The following GFOD1 variants were observed in gnomAD, a reference collection of about 807,000 sequenced individuals.
GFOD1 encodes glucose-fructose oxidoreductase domain-containing protein 1.
GFOD1 carries 9 observed loss-of-function variants against 25.4 expected under a neutral mutation model. The observed-to-expected ratio is 0.35, with a 90% CI of 0.21 to 0.62. GFOD1 has a LOEUF of 0.62. Among genes scored for constraint, GFOD1 ranks in the 20% least tolerant of loss-of-function variants. The pLI is 0.72. For synonymous variants in GFOD1, 253 were observed against 245.6 expected, an observed-to-expected ratio of 1.03 and a Z score of -0.28; for missense variants, 403 against 556.9, an observed-to-expected ratio of 0.72 and a Z score of 2.78.
chr6:13,360,422 G>A lies in GFOD1; in HGVS notation c.*4321C>T. 2.9e-6 allele frequency: 1 copy of A among 345,472 alleles called. No homozygotes were observed. Among genetic ancestry groups the A allele is most frequent in the Middle Eastern group, 1.1e-3 (1 of 944 alleles). The allele number at this position is 345,472 out of a possible 1,614,324, so 21.4% of individuals were successfully genotyped here. Reference sequence around the variant, plus strand: ...GTAGGGGTGCAAAGAAAGGTGCAGTGCACAGCTAAAATTGGAGTGACAAAC... The same window carrying A: ...GTAGGGGTGCAAAGAAAGGTGCAGTACACAGCTAAAATTGGAGTGACAAAC... On this transcript the variant is annotated 3_prime_UTR_variant, in exon 2 of 2. Transcript: ENST00000379287.
intron 1 of GFOD1, among the ~76,000 whole-genome samples, chr6:13,367,706 G>C (rs1463465133): frequency 6.6e-6 from 1 of 151,506 alleles, no homozygotes; most frequent in Non-Finnish European, 1.5e-5. Context: ...CCAAGAGTCA[G>C]GGAAGAAGAA....
chr6:13,486,795 C>G lies in GFOD1; in HGVS notation c.96G>C (p.Trp32Cys). The G allele has an allele frequency of 6.2e-7, 1 of 1,614,130 alleles. No individual in the cohort carries two copies. The highest frequency in any genetic ancestry group is 8.5e-7 in the Non-Finnish European group (1 of 1,180,014). Residue 32 changes from tryptophan to cysteine, a missense_variant, in exon 1 of 2, where the codon TGG (tryptophan) becomes TGC (cysteine). Trp to Cys is a radical substitution (Grantham distance 215). Coordinates refer to ENST00000379287, the MANE Select transcript of GFOD1 (RefSeq NM_018988.4). ...CCTCCGCTTCTTCCTGCGTGCGGCC[C>G]CACAGCGCCTTCACCGCGAAGCCCT... ...KDEGFAVKAL[W>C]GRTQEEAEEL...
chr6:13,372,242 G>A (rs984264612), intron 1 of GFOD1, among the ~76,000 whole-genome samples: 1 of 152,206 alleles, frequency 6.6e-6, no homozygotes, highest in Non-Finnish European at 1.5e-5. Context: ...AAGGCAGTGT[G>A]CCTGATCTTC....
chr6:13,387,065 T>A (rs916401413), intron 1 of GFOD1, among the ~76,000 whole-genome samples: 1 of 152,058 alleles, frequency 6.6e-6, no homozygotes, highest in Non-Finnish European at 1.5e-5. Flanking sequence ...TCTGTTTTGA[T>A]AGTTTTTGAA....
chr6:13,446,630 G>T (rs919134492), intron 1 of GFOD1, among the ~76,000 whole-genome samples: 3 of 152,172 alleles, frequency 2.0e-5, no homozygotes, highest in Non-Finnish European at 2.9e-5. Context: ...CCCTGACACT[G>T]GCAGCGAATC....
intron 1 of GFOD1, among the ~76,000 whole-genome samples, chr6:13,390,526 G>C (rs1785567638): frequency 6.6e-6 from 1 of 152,036 alleles, no homozygotes; most frequent in African/African-American, 2.4e-5. Context: ...AGGAGTTTGA[G>C]ACCAACCTGG....
At chr6:13,386,810 G>T (rs1785484946) in intron 1 of GFOD1, among the ~76,000 whole-genome samples, 1 of 152,196 alleles carries the variant, frequency 6.6e-6, no homozygotes, top group African/African-American at 2.4e-5. Flanking sequence ...AAAGCGAGAT[G>T]GGACTACAAC....
chr6:13,474,914 A>C (rs1758583479), intron 1 of GFOD1, among the ~76,000 whole-genome samples: 1 of 152,210 alleles, frequency 6.6e-6, no homozygotes, highest in South Asian at 2.1e-4. Flanking sequence ...GAACCATTTC[A>C]GTAAATACTT....
chr6:13,465,550 T>C (rs891767549), intron 1 of GFOD1, among the ~76,000 whole-genome samples: 3 of 152,214 alleles, frequency 2.0e-5, no homozygotes, highest in African/African-American at 7.2e-5. Flanking sequence ...CTTCTTAACA[T>C]TGAGGAGCTT....
intron 1 of GFOD1, among the ~76,000 whole-genome samples, chr6:13,451,289 C>A (rs761469017): frequency 6.6e-6 from 1 of 152,118 alleles, no homozygotes; most frequent in African/African-American, 2.4e-5. Flanking sequence ...TTGACATTGA[C>A]GAGGCCTTCA....
chr6:13,390,780 A>AAAGAAAGGAAGGAAGG, intron 1 of GFOD1, among the ~76,000 whole-genome samples: 1 of 117,952 alleles, frequency 8.5e-6, no homozygotes, highest in Non-Finnish European at 1.8e-5. Context: ...AGAGAGAGAG[A>AAAGAAAGGAAGGAAGG]AAGGAAGGAA....
chr6:13,477,017 T>C (rs1006060429), intron 1 of GFOD1, among the ~76,000 whole-genome samples: 7 of 152,024 alleles, frequency 4.6e-5, no homozygotes, highest in Admixed American at 1.3e-4. Context: ...GCTTTCCAGG[T>C]CTCCTGCTTT....
intron 1 of GFOD1, among the ~76,000 whole-genome samples, chr6:13,384,055 C>T (rs767966099): frequency 9.2e-5 from 14 of 152,130 alleles, no homozygotes; most frequent in South Asian, 2.1e-4. Flanking sequence ...GGCAAAACTC[C>T]GTCTCTACTA....
intron 1 of GFOD1, among the ~76,000 whole-genome samples, chr6:13,416,412 T>C (rs957717472): frequency 1.3e-5 from 2 of 152,172 alleles, no homozygotes; most frequent in African/African-American, 4.8e-5. Flanking sequence ...GTTTGTGACA[T>C]AGGATAACAA....
intron 1 of GFOD1, among the ~76,000 whole-genome samples, chr6:13,380,169 G>A (rs184152941): frequency 4.1e-4 from 62 of 152,354 alleles, no homozygotes; most frequent in Admixed American, 1.1e-3. Flanking sequence ...CACAGGGGAT[G>A]GGAAAGATAC....
intron 1 of GFOD1, among the ~76,000 whole-genome samples, chr6:13,478,114 A>C (rs1190164087): frequency 6.6e-6 from 1 of 151,674 alleles, no homozygotes; most frequent in East Asian, 1.9e-4. Flanking sequence ...CACAATCAAG[A>C]AATGTCTACA....
chr6:13,400,783 G>C (rs1489160212), intron 1 of GFOD1, among the ~76,000 whole-genome samples: 2 of 152,218 alleles, frequency 1.3e-5, no homozygotes, highest in East Asian at 1.9e-4. Context: ...CTGGTGACTA[G>C]AGAGTAAAGA....
At chr6:13,399,124 C>T (rs2127562991) in intron 1 of GFOD1, among the ~76,000 whole-genome samples, 1 of 152,256 alleles carries the variant, frequency 6.6e-6, no homozygotes, top group South Asian at 2.1e-4. Flanking sequence ...AGGTGATTCT[C>T]TCACCTCAGC....
intron 1 of GFOD1, among the ~76,000 whole-genome samples, chr6:13,429,136 G>A (rs761641993): frequency 2.0e-5 from 3 of 152,212 alleles, no homozygotes; most frequent in Admixed American, 6.5e-5. Flanking sequence ...ATCAAGATGG[G>A]TGGGAAGCTG....
Sources: allele counts gnomAD v4.1 joint callset (sites outside exome capture counted in the v4.1 genomes callset), GRCh38; gene constraint gnomAD v4.1.1; transcripts MANE v1.5; gene names NCBI Gene and HGNC (gene_info 2026-07-23, HGNC 2026-07-21).